CGGBP1: variants seen among roughly 807,000 people sequenced by gnomAD.
CGGBP1 encodes the protein CGG triplet repeat binding protein 1.
A neutral mutation model predicts 11.4 loss-of-function variants in CGGBP1; 4 were observed. The ratio of observed to expected loss-of-function variants is 0.35; its 90% confidence interval spans 0.17 to 0.80. The LOEUF (loss-of-function observed/expected upper bound fraction) is 0.80. Ranked by LOEUF, CGGBP1 falls within the 30% of genes least tolerant of loss-of-function variation. The pLI is 0.52. For synonymous variants in CGGBP1, 76 were observed against 74.1 expected, an observed-to-expected ratio of 1.03 and a Z score of -0.13; for missense variants, 135 against 202.1, an observed-to-expected ratio of 0.67 and a Z score of 2.01.
intron 2 of CGGBP1, among the ~76,000 whole-genome samples, chr3:88,116,336 C>A (rs1419063616): frequency 6.6e-6 from 1 of 152,024 alleles, no homozygotes; most frequent in Non-Finnish European, 1.5e-5. Context: ...GCCTGACCAA[C>A]ATGGAGAAAA....
At chr3:88,079,978 A>T (rs1707998492) in intron 2 of CGGBP1, among the ~76,000 whole-genome samples, 1 of 151,968 alleles carries the variant, frequency 6.6e-6, no homozygotes, top group Admixed American at 6.6e-5. Flanking sequence ...TGACTTTTAG[A>T]TTTCCATTAC....
intron 2 of CGGBP1, among the ~76,000 whole-genome samples, chr3:88,088,167 G>C (rs1559701126): frequency 6.6e-6 from 1 of 152,124 alleles, no homozygotes. Context: ...TTCTCAGTGA[G>C]ACTACTAGCT....
intron 2 of CGGBP1, among the ~76,000 whole-genome samples, chr3:88,072,585 C>G (rs4368523): frequency 0.78 from 119,161 of 152,100 alleles, 47,601 homozygotes; most frequent in South Asian, 0.91. Flanking sequence ...GTGGGATCCT[C>G]CACAGATAGA....
At position 88,098,941 on chromosome 3, in the gene CGGBP1, C is replaced by G. The variant is rs185725511; in HGVS notation, c.-228-40718G>C. ...AAGCTGGCACAAGCAGGGATGCCCT[C>G]TGTCACTACTTCTATTCATCATAAT... On this transcript the variant is annotated intron_variant, in intron 2 of 3. Transcript: ENST00000462901. Among the ~76,000 whole-genome samples the G allele has an allele frequency of 5.4e-3, 815 of 152,296 alleles. 5 individuals carry two copies. The highest frequency in any genetic ancestry group is 0.017 in the African/African-American group (700 of 41,556).
intron 2 of CGGBP1, among the ~76,000 whole-genome samples, chr3:88,091,228 C>T (rs1159491166): frequency 1.3e-5 from 2 of 152,172 alleles, no homozygotes; most frequent in African/African-American, 4.8e-5. Flanking sequence ...TTAGCTGCCC[C>T]ATCAGAACCA....
At chr3:88,083,183 C>CG (rs1559697966) in intron 2 of CGGBP1, among the ~76,000 whole-genome samples, 1 of 152,054 alleles carries the variant, frequency 6.6e-6, no homozygotes, top group Non-Finnish European at 1.5e-5. Flanking sequence ...ACAGTCCCAT[C>CG]GGGGGGTTAG....
chr3:88,122,156 G>A (rs1705806877), intron 2 of CGGBP1, among the ~76,000 whole-genome samples: 1 of 152,074 alleles, frequency 6.6e-6, no homozygotes, highest in African/African-American at 2.4e-5. Flanking sequence ...GGGGAAAGTG[G>A]GATTGTGTAA....
At chr3:88,078,960 A>C (rs1707949220) in intron 2 of CGGBP1, among the ~76,000 whole-genome samples, 1 of 152,130 alleles carries the variant, frequency 6.6e-6, no homozygotes, top group Non-Finnish European at 1.5e-5. Context: ...TCAGATTTAT[A>C]GGTGACACAA....
upstream of CGGBP1, among the ~76,000 whole-genome samples, chr3:88,062,946 G>C (rs571911577): frequency 6.6e-6 from 1 of 152,140 alleles, no homozygotes; most frequent in Non-Finnish European, 1.5e-5. Flanking sequence ...TTTGTGTTTC[G>C]CAGTAAACTT....
chr3:88,147,672 CAT>C (rs1707334707), intron 1 of CGGBP1, among the ~76,000 whole-genome samples: 1 of 152,210 alleles, frequency 6.6e-6, no homozygotes, highest in Non-Finnish European at 1.5e-5. Flanking sequence ...TCAAGAACCA[CAT>C]GTGTCTGATA....
intron 2 of CGGBP1, among the ~76,000 whole-genome samples, chr3:88,116,561 T>TACACACAC (rs61470020): frequency 6.6e-6 from 1 of 150,918 alleles, no homozygotes; most frequent in African/African-American, 2.4e-5. Flanking sequence ...TACATATATA[T>TACACACAC]ACACACACAC....
At chr3:88,135,345 C>A in intron 2 of CGGBP1, 1 of 564,930 alleles carries the variant, frequency 1.8e-6, no homozygotes, top group Non-Finnish European at 2.7e-6. Flanking sequence ...ATTACATTCT[C>A]CTCTGCCCTA....
At chr3:88,135,760 A>C (rs1706742632) in intron 2 of CGGBP1, among the ~76,000 whole-genome samples, 1 of 152,154 alleles carries the variant, frequency 6.6e-6, no homozygotes, top group African/African-American at 2.4e-5. Flanking sequence ...AGTCTTACGT[A>C]GACATGAAAG....
intron 2 of CGGBP1, among the ~76,000 whole-genome samples, chr3:88,109,365 A>G (rs1037889068): frequency 1.3e-5 from 2 of 152,128 alleles, no homozygotes; most frequent in African/African-American, 2.4e-5. Flanking sequence ...GTATATATAG[A>G]AAGAGTTCTT....
chr3:88,086,341 G>A (rs1708334808), intron 2 of CGGBP1: 1 of 1,535,254 alleles, frequency 6.5e-7, no homozygotes, highest in African/African-American at 1.4e-5. Flanking sequence ...TTTTACAACA[G>A]CCAGTGCATC....
chr3:88,108,830 A>G (rs1029128294), intron 2 of CGGBP1, among the ~76,000 whole-genome samples: 1 of 127,810 alleles, frequency 7.8e-6, no homozygotes, highest in African/African-American at 2.6e-5. Context: ...TCAACTTCAG[A>G]AAAAAAAAAA....
At chr3:88,069,817 T>G (rs1707407946) in intron 2 of CGGBP1, among the ~76,000 whole-genome samples, 1 of 152,214 alleles carries the variant, frequency 6.6e-6, no homozygotes, top group African/African-American at 2.4e-5. Flanking sequence ...AGTTATTTTA[T>G]GTTTATTATC....
chr3:88,135,073 C>T, intron 2 of CGGBP1: 1 of 1,425,926 alleles, frequency 7.0e-7, no homozygotes, highest in Non-Finnish European at 9.1e-7. Flanking sequence ...AGTTGATTTT[C>T]ATATGGAGTA....
At chr3:88,096,839 T>G (rs1704091299) in intron 2 of CGGBP1, among the ~76,000 whole-genome samples, 1 of 152,122 alleles carries the variant, frequency 6.6e-6, no homozygotes, top group Non-Finnish European at 1.5e-5. Flanking sequence ...TCTGTAGCCA[T>G]CCAGTGTACT....
Sources: gnomAD v4.1 joint callset for allele counts (sites outside exome capture counted in the v4.1 genomes callset) on GRCh38, gnomAD v4.1.1 for gene constraint, MANE v1.5 for transcripts, NCBI Gene and HGNC (gene_info 2026-07-23, HGNC 2026-07-21) for gene names.